The following FOXJ3 variants were observed in gnomAD, a reference collection of about 807,000 sequenced individuals.
FOXJ3 encodes the protein forkhead box J3, also known as forkhead box protein J3.
A neutral mutation model predicts 76.1 loss-of-function variants in FOXJ3; 22 were observed. That is an observed-to-expected ratio of 0.29 (90% CI 0.21 to 0.41). The LOEUF (loss-of-function observed/expected upper bound fraction) is 0.41. FOXJ3 is among the 10% of genes least tolerant of loss of function. FOXJ3 has a pLI of 1.00. For missense variants in FOXJ3, 613 were observed against 762.1 expected, an observed-to-expected ratio of 0.80 and a Z score of 2.30; for synonymous variants, 269 against 261.2, an observed-to-expected ratio of 1.03 and a Z score of -0.29.
chr1:42,198,365 C>G (rs543756927), intron 7 of FOXJ3, among the ~76,000 whole-genome samples: 1 of 152,222 alleles, frequency 6.6e-6, no homozygotes, highest in Non-Finnish European at 1.5e-5. Context: ...TCGGGTCCCT[C>G]CCTTTATATC....
At chr1:42,210,910 G>C (rs1461629820) in intron 5 of FOXJ3, among the ~76,000 whole-genome samples, 1 of 152,250 alleles carries the variant, frequency 6.6e-6, no homozygotes, top group East Asian at 1.9e-4. Context: ...CTGGCCCTCA[G>C]GGACTGCTAC....
At chr1:42,273,093 C>T (rs1651981507) in intron 3 of FOXJ3, among the ~76,000 whole-genome samples, 1 of 152,168 alleles carries the variant, frequency 6.6e-6, no homozygotes, top group South Asian at 2.1e-4. Context: ...CTGTACCCTT[C>T]ATTTAACACT....
At chr1:42,205,947 T>C (rs967606464) in intron 5 of FOXJ3, 84 bp from the exon 6 acceptor site, 25 of 728,638 alleles carry the variant, frequency 3.4e-5, no homozygotes, top group Non-Finnish European at 5.3e-5. Context: ...CATCAAATTC[T>C]TGAACATCCA....
chr1:42,191,561 C>A lies in FOXJ3; in HGVS notation c.1093G>T (p.Val365Phe). The A allele has an allele frequency of 6.2e-7, 1 of 1,614,060 alleles. No individual in the cohort carries two copies. Among genetic ancestry groups the A allele is most frequent in the Non-Finnish European group, 8.5e-7 (1 of 1,180,016 alleles). ...SGLNTTGSNSVAQVSLSHPQM... is the reference protein window; with the variant it reads ...SGLNTTGSNSFAQVSLSHPQM... ...GGGTGAGACAGTGAGACCTGTGCAACCGAATTACTGCCTGTGGTGTTGAGG... is the reference window on the plus strand; with the variant it reads ...GGGTGAGACAGTGAGACCTGTGCAAACGAATTACTGCCTGTGGTGTTGAGG... Residue 365 changes from valine to phenylalanine, a missense_variant, in exon 9 of 13, where the codon GTT becomes TTT. Physicochemically the swap from Val to Phe is conservative, Grantham distance 50. Transcript: ENST00000361346.
intron 9 of FOXJ3, among the ~76,000 whole-genome samples, chr1:42,190,681 G>C (rs1646523199): frequency 1.3e-5 from 2 of 152,198 alleles, no homozygotes; most frequent in Admixed American, 1.3e-4. Context: ...TAGGAAAAAG[G>C]TTAACTGAAA....
intron 1 of FOXJ3, among the ~76,000 whole-genome samples, chr1:42,316,333 C>CTTTTTTTTTTTTTT (rs71065173): frequency 0.28 from 20,509 of 72,642 alleles, 5,708 homozygotes; most frequent in Non-Finnish European, 0.39. Context: ...TGCATTGGGC[C>CTTTTTTTTTTTTTT]TTTTTTTTTT....
intron 3 of FOXJ3, among the ~76,000 whole-genome samples, chr1:42,267,357 A>C (rs1651541879): frequency 6.6e-6 from 1 of 152,130 alleles, no homozygotes; most frequent in African/African-American, 2.4e-5. Context: ...CTCCAAGCAC[A>C]AATTAACAGG....
chr1:42,330,707 T>G (rs891793152), intron 1 of FOXJ3, among the ~76,000 whole-genome samples: 1 of 152,034 alleles, frequency 6.6e-6, no homozygotes, highest in African/African-American at 2.4e-5. Flanking sequence ...CCTCTAAGTC[T>G]CCAGGAAATT....
intron 11 of FOXJ3, among the ~76,000 whole-genome samples, chr1:42,182,431 G>A (rs1033089542): frequency 6.6e-6 from 1 of 152,166 alleles, no homozygotes. Flanking sequence ...ACTCAGAAAG[G>A]CTAACCTGAC....
chr1:42,250,798 C>CAAAAAAAA (rs61431089), intron 4 of FOXJ3, among the ~76,000 whole-genome samples: 2 of 23,778 alleles, frequency 8.4e-5, no homozygotes, highest in Non-Finnish European at 1.7e-4. Flanking sequence ...AACTCCATCT[C>CAAAAAAAA]AAAAAAAAAA....
chr1:42,278,092 T>G (rs1652426175), intron 3 of FOXJ3, among the ~76,000 whole-genome samples: 1 of 152,134 alleles, frequency 6.6e-6, no homozygotes, highest in African/African-American at 2.4e-5. Context: ...GCAGGTATGG[T>G]TTCCAGTGAA....
At chr1:42,271,873 G>C (rs1651890842) in intron 3 of FOXJ3, among the ~76,000 whole-genome samples, 1 of 152,084 alleles carries the variant, frequency 6.6e-6, no homozygotes, top group East Asian at 1.9e-4. Context: ...GGCCAGACTG[G>C]TCTCAAGTGA....
chr1:42,330,808 T>G (rs2124797431), intron 1 of FOXJ3, among the ~76,000 whole-genome samples: 1 of 152,322 alleles, frequency 6.6e-6, no homozygotes, highest in South Asian at 2.1e-4. Flanking sequence ...CACCAATTAC[T>G]TAAGTGTACA....
chr1:42,238,152 C>T (rs1441522309), intron 4 of FOXJ3, among the ~76,000 whole-genome samples: 1 of 152,104 alleles, frequency 6.6e-6, no homozygotes, highest in Non-Finnish European at 1.5e-5. Context: ...CCCACCTCAG[C>T]CTCCCAAGTA....
intron 1 of FOXJ3, among the ~76,000 whole-genome samples, chr1:42,320,441 T>C (rs1338069919): frequency 2.6e-5 from 4 of 152,146 alleles, no homozygotes; most frequent in Non-Finnish European, 5.9e-5. Context: ...TACCTAATAT[T>C]TGGTCCCAAA....
chr1:42,185,443 G>A (rs1056412579), intron 11 of FOXJ3, among the ~76,000 whole-genome samples: 3 of 151,456 alleles, frequency 2.0e-5, no homozygotes, highest in South Asian at 4.2e-4. Flanking sequence ...TATTTTTTTA[G>A]TAGAGACGGG....
chr1:42,226,217 G>T (rs540689530), intron 5 of FOXJ3, among the ~76,000 whole-genome samples: 3 of 147,396 alleles, frequency 2.0e-5, no homozygotes, highest in Non-Finnish European at 2.9e-5. Context: ...GCTGAGAGGA[G>T]TGCTTAAAAA....
intron 2 of FOXJ3, among the ~76,000 whole-genome samples, chr1:42,288,228 C>T (rs965470782): frequency 2.0e-5 from 3 of 152,150 alleles, no homozygotes; most frequent in Admixed American, 6.5e-5. Context: ...ACCAGTCTTT[C>T]GCATAAGAAG....
At chr1:42,319,230 T>C (rs1278068826) in intron 1 of FOXJ3, among the ~76,000 whole-genome samples, 1 of 151,870 alleles carries the variant, frequency 6.6e-6, no homozygotes, top group African/African-American at 2.4e-5. Flanking sequence ...CCCTGTTTTG[T>C]TTTGTTTTGT....
Sources: allele counts gnomAD v4.1 joint callset (sites outside exome capture counted in the v4.1 genomes callset), GRCh38; gene constraint gnomAD v4.1.1; transcripts MANE v1.5; gene names NCBI Gene and HGNC (gene_info 2026-07-23, HGNC 2026-07-21).